The following HIVEP1 variants were observed in gnomAD, a reference collection of about 807,000 sequenced individuals.
The protein encoded by HIVEP1 is zinc finger protein 40.
Under a neutral mutation model 180.0 loss-of-function variants are expected in HIVEP1, and 36 were observed. The ratio of observed to expected loss-of-function variants is 0.20; its 90% CI spans 0.15 to 0.26. The LOEUF is 0.26. Among genes scored for constraint, HIVEP1 ranks in the 10% least tolerant of loss-of-function variants. The pLI is 1.00. For synonymous variants in HIVEP1, 1,239 were observed against 1,239.0 expected (o/e 1.00, Z 0.00); for missense variants, 3,143 against 3,268.7 (o/e 0.96, Z 0.94).
At chr6:12,154,619 A>G (rs1224942960) in intron 7 of HIVEP1, among the ~76,000 whole-genome samples, 1 of 152,120 alleles carries the variant, frequency 6.6e-6, no homozygotes, top group Non-Finnish European at 1.5e-5. Flanking sequence ...GGAGGGGAAC[A>G]TCACACACCA....
chr6:12,193,081 G>T, the HIVEP1 span, among the ~76,000 whole-genome samples: 13 of 152,096 alleles, frequency 8.5e-5, no homozygotes, highest in Non-Finnish European at 1.5e-4. Flanking sequence ...GCCTCCCAAA[G>T]TGTTGGGATT....
chr6:12,155,269 C>A (rs1759961032), intron 7 of HIVEP1, among the ~76,000 whole-genome samples: 1 of 152,058 alleles, frequency 6.6e-6, no homozygotes. Context: ...TCTTCAACTT[C>A]TAAGTTCAGG....
At chr6:12,140,885 A>T (rs1362181598) in intron 7 of HIVEP1, among the ~76,000 whole-genome samples, 1 of 152,194 alleles carries the variant, frequency 6.6e-6, no homozygotes, top group South Asian at 2.1e-4. Context: ...AACCAAATCT[A>T]CATTTGATTG....
At chr6:12,073,161 A>C (rs985446156) in intron 2 of HIVEP1, among the ~76,000 whole-genome samples, 1 of 152,188 alleles carries the variant, frequency 6.6e-6, no homozygotes, top group Non-Finnish European at 1.5e-5. Context: ...CTTTTAGAGT[A>C]GGTCTGTTGA....
intron 2 of HIVEP1, among the ~76,000 whole-genome samples, chr6:12,033,144 C>G (rs767434270): frequency 2.6e-5 from 4 of 152,096 alleles, no homozygotes; most frequent in Non-Finnish European, 5.9e-5. Context: ...ATAAAAGAGC[C>G]TTTGTATTAG....
intron 8 of HIVEP1, 132 bp from the exon 9 acceptor site, chr6:12,163,151 C>A: frequency 1.4e-6 from 1 of 730,940 alleles, no homozygotes; most frequent in Non-Finnish European, 2.3e-6. Flanking sequence ...TTCATTGCAG[C>A]AAACATCATT....
In HIVEP1 at chr6:12,123,033, G is replaced by A. The variant is rs145498725; in HGVS notation, c.3238G>A (p.Asp1080Asn). 1.3e-4 allele frequency: 202 copies of A among 1,614,110 alleles called. 1 individual carries two copies. In the African/African-American group the frequency reaches 2.5e-3, roughly 20 times the overall value. Residue 1080 changes from aspartate to asparagine, a missense_variant, in exon 4 of 9, where the codon GAC (aspartate) becomes AAC (asparagine). Transcript: ENST00000379388. The stretch of plus-strand genomic sequence containing the variant: ...TAAACATAATGTTACCATAAGAAGT[G>A]ACCAGCAGCATAAAAATATACAGTT... ...LPKHNVTIRSDQQHKNIQLQN... is the reference protein window; with the variant it reads ...LPKHNVTIRSNQQHKNIQLQN...
At chr6:12,193,724 T>C in the HIVEP1 span, among the ~76,000 whole-genome samples, 96 of 152,280 alleles carry the variant, frequency 6.3e-4, 2 homozygotes, top group Admixed American at 6.1e-3. Context: ...GCAGAGATGT[T>C]TAGTGACCCC....
chr6:12,025,570 G>C (rs1768526317), intron 2 of HIVEP1, among the ~76,000 whole-genome samples: 1 of 152,192 alleles, frequency 6.6e-6, no homozygotes, highest in Non-Finnish European at 1.5e-5. Context: ...TTTCGGACCT[G>C]AAGGCTTAGA....
intron 7 of HIVEP1, among the ~76,000 whole-genome samples, chr6:12,148,598 C>T (rs1759511437): frequency 1.3e-5 from 2 of 152,180 alleles, no homozygotes; most frequent in Admixed American, 6.5e-5. Context: ...CTTAATCTAA[C>T]ATAATTCGAA....
At chr6:12,066,866 C>CTG (rs10650946) in intron 2 of HIVEP1, among the ~76,000 whole-genome samples, 80,688 of 148,504 alleles carry the variant, frequency 0.54, 21,754 homozygotes, top group Middle Eastern at 0.62. Context: ...AACAAAGACA[C>CTG]TGTGTGTGTG....
chr6:12,121,804 G>A lies in HIVEP1; in HGVS notation c.2009G>A (p.Ser670Asn). 6.2e-7 allele frequency: 1 copy of A among 1,614,178 alleles called. No individual in the cohort carries two copies. The highest frequency in any genetic ancestry group is 8.5e-7 in the Non-Finnish European group (1 of 1,180,032). Reference sequence around the variant, plus strand: ...CTCCTGAGTCCTCGAAGTTTAGGAAGTACGGATTCTGGTTACTTTTCACGT... The same window carrying A: ...CTCCTGAGTCCTCGAAGTTTAGGAAATACGGATTCTGGTTACTTTTCACGT... ...GKLLSPRSLG[S>N]TDSGYFSRSE... The change falls in exon 4 of 9, where the codon AGT (serine) becomes AAT (asparagine). Residue 670 changes from serine to asparagine, a missense_variant. This residue lies in a region of HIVEP1 where 365 missense variants were observed against 344.4 expected (regional missense o/e 1.06). Transcript: ENST00000379388. This position sits in a 1 kb window ranked among gnomAD's most constrained non-coding sequence, Gnocchi z 5.3.
chr6:12,162,342 C>G (rs978471586), intron 8 of HIVEP1, among the ~76,000 whole-genome samples: 2 of 152,136 alleles, frequency 1.3e-5, no homozygotes, highest in African/African-American at 4.8e-5. Context: ...ACTGACTTAC[C>G]CAAACATTTT....
chr6:12,150,277 G>A (rs1019260675), intron 7 of HIVEP1, among the ~76,000 whole-genome samples: 1 of 152,094 alleles, frequency 6.6e-6, no homozygotes, highest in Non-Finnish European at 1.5e-5. Flanking sequence ...AATTCAAGCC[G>A]CCAGCAATTT....
chr6:12,100,190 G>A (rs1291456104), intron 3 of HIVEP1, among the ~76,000 whole-genome samples: 1 of 152,188 alleles, frequency 6.6e-6, no homozygotes, highest in Non-Finnish European at 1.5e-5. Context: ...CCCTGTTCTG[G>A]TAATAGACAG....
upstream of HIVEP1, among the ~76,000 whole-genome samples, chr6:12,009,422 C>G (rs953965370): frequency 6.6e-6 from 1 of 152,200 alleles, no homozygotes; most frequent in African/African-American, 2.4e-5. Flanking sequence ...AGCGTTCACG[C>G]GGACGGTGGG....
At chr6:12,127,175 A>T (rs1758131666) in intron 4 of HIVEP1, among the ~76,000 whole-genome samples, 1 of 152,216 alleles carries the variant, frequency 6.6e-6, no homozygotes, top group African/African-American at 2.4e-5. Flanking sequence ...TAAAAAAAAA[A>T]ATTAATAATA....
intron 7 of HIVEP1, among the ~76,000 whole-genome samples, chr6:12,138,003 G>A (rs903190535): frequency 2.6e-5 from 4 of 152,098 alleles, no homozygotes; most frequent in Admixed American, 1.3e-4. Context: ...GCTCAGCAAG[G>A]TTATTGCTGC....
At chr6:12,052,950 A>G (rs1770631685) in intron 2 of HIVEP1, among the ~76,000 whole-genome samples, 1 of 152,180 alleles carries the variant, frequency 6.6e-6, no homozygotes, top group South Asian at 2.1e-4. Flanking sequence ...TCAGAAAGTA[A>G]TTTCTTGGGG....
Sources: allele counts gnomAD v4.1 joint callset (sites outside exome capture counted in the v4.1 genomes callset), GRCh38; gene constraint gnomAD v4.1.1; regional missense constraint gnomAD v4.1.1; non-coding constraint Gnocchi (gnomAD v3.1); transcripts MANE v1.5; gene names NCBI Gene and HGNC (gene_info 2026-07-23, HGNC 2026-07-21).